OR4A15: variants seen among roughly 807,000 people sequenced by gnomAD.
The protein encoded by OR4A15 is olfactory receptor 4A15.
For missense variants in OR4A15, 657 were observed against 374.7 expected (o/e 1.75, Z -6.22); for synonymous variants, 240 against 135.6 (o/e 1.77, Z -5.35).
chr11:55,368,275 T>C (rs905398136), exon 1 of OR4A15: 2 of 1,613,944 alleles, frequency 1.2e-6, no homozygotes, highest in Admixed American at 3.3e-5. Context: ...CAACTTTTTA[T>C]GGATCATTTA....
rs770427958 is a variant in OR4A15 at position 55,368,153 on chromosome 11, T to A, written c.180T>A (p.Phe60Leu). 62 of 1,612,884 alleles carry A rather than the reference T, an allele frequency of 3.8e-5. No individual in the cohort carries two copies. The highest frequency in any genetic ancestry group is 5.0e-5 in the Non-Finnish European group (59 of 1,179,894). ...CCCTGGGTTCCCCCATGTACTTTTT[T>A]CTGGCTTCTTTATCATTCATAGATA... The change falls in exon 1 of 1, where the codon TTT (phenylalanine) becomes TTA (leucine). Residue 60 changes from phenylalanine (F) to leucine (L), a missense_variant. Phe to Leu is a conservative substitution (Grantham distance 22). Coordinates refer to ENST00000641526, the Ensembl canonical transcript of OR4A15.
In OR4A15 at chr11:55,367,990, A is replaced by T. The variant is rs746124365; in HGVS notation, c.17A>T (p.Asn6Ile). The T allele has an allele frequency of 3.1e-6, 5 of 1,613,316 alleles. No homozygotes were observed. The highest frequency in any genetic ancestry group is 4.2e-6 in the Non-Finnish European group (5 of 1,179,756). ...GAAGAACACATGAAAAATAAGAACA[A>T]TGTGACTGAATTTATCCTCTTAGGG... Residue 6 changes from asparagine to isoleucine, a missense_variant, in exon 1 of 1, where the codon AAT becomes ATT. Coordinates refer to ENST00000641526, the Ensembl canonical transcript of OR4A15.
exon 1 of OR4A15, chr11:55,368,085 A>T: frequency 6.2e-7 from 1 of 1,613,278 alleles, no homozygotes; most frequent in African/African-American, 1.3e-5. Flanking sequence ...GGTGACGATA[A>T]TGGGCAACCT....
Position 55,368,903 on chromosome 11 carries a change from G to A in OR4A15, c.930G>A (p.Trp310Ter), listed in dbSNP as rs750855184. ...AAAAAGTAAGCTTAGCTGGGAAATGGCTGTATCACTCATGAGAATGTGACA... is the reference window on the plus strand; with the variant it reads ...AAAAAGTAAGCTTAGCTGGGAAATGACTGTATCACTCATGAGAATGTGACA... The change falls in exon 1 of 1, where the codon TGG (tryptophan) becomes TGA (stop). Residue 310 changes from tryptophan to a stop codon, truncating the protein, a stop_gained. Transcript: ENST00000641526. LOFTEE classifies it low-confidence loss of function (END_TRUNC). The A allele has an allele frequency of 1.9e-6, 3 of 1,598,420 alleles. No homozygotes were observed. The highest frequency in any genetic ancestry group is 2.6e-6 in the Non-Finnish European group (3 of 1,171,834).
exon 1 of OR4A15, chr11:55,368,555 G>A (rs2119937192): frequency 6.2e-7 from 1 of 1,613,458 alleles, no homozygotes; most frequent in Non-Finnish European, 8.5e-7. Context: ...ATGTCACTGG[G>A]CTTTCTATGA....
chr11:55,368,127 T>A (rs1045429307), exon 1 of OR4A15: 1 of 1,612,670 alleles, frequency 6.2e-7, no homozygotes, highest in African/African-American at 1.3e-5. Context: ...GGCCAGCCAG[T>A]CCCTGGGTTC....
At chr11:55,368,818 C>T (rs371095350) in exon 1 of OR4A15, 3 of 1,613,160 alleles carry the variant, frequency 1.9e-6, no homozygotes, top group African/African-American at 2.7e-5. Context: ...ATGCTGAACC[C>T]ACTAATCTAT....
rs757645722 is a variant in OR4A15, at chr11:55,368,898, A to C, written c.925A>C (p.Lys309Gln). 3.1e-6 allele frequency: 5 copies of C among 1,603,988 alleles called. No homozygotes were observed. The South Asian group carries it at 4.5e-5, about 14-fold the overall frequency. The stretch of plus-strand genomic sequence containing the variant: ...GAGTAAAAAAGTAAGCTTAGCTGGG[A>C]AATGGCTGTATCACTCATGAGAATG... Residue 309 changes from lysine (K) to glutamine (Q), a missense_variant, in exon 1 of 1, where the codon AAA becomes CAA. Coordinates refer to ENST00000641526, the Ensembl canonical transcript of OR4A15.
chr11:55,368,728 G>A, exon 1 of OR4A15: 1 of 1,613,654 alleles, frequency 6.2e-7, no homozygotes, highest in Non-Finnish European at 8.5e-7. Context: ...TTTGTCCCCT[G>A]TATCTTCTTG....
exon 1 of OR4A15, chr11:55,368,346 T>A: frequency 1.2e-6 from 2 of 1,612,982 alleles, no homozygotes; most frequent in East Asian, 2.2e-5. Context: ...CATGGCCATC[T>A]GTAAGCCTCT....
At chr11:55,368,051 T>C in exon 1 of OR4A15, 1 of 1,613,612 alleles carries the variant, frequency 6.2e-7, no homozygotes, top group African/African-American at 1.3e-5. Context: ...AGGTTTTATT[T>C]GTCACATTCT....
chr11:55,368,740 A>G (rs1161376474), exon 1 of OR4A15: 3 of 1,613,726 alleles, frequency 1.9e-6, no homozygotes, highest in East Asian at 2.2e-5. Flanking sequence ...ATCTTCTTGT[A>G]TGCAAGGCCC....
At position 55,368,849 on chromosome 11, in the gene OR4A15, GA is replaced by G; in HGVS notation, c.880del (p.Ser294ValfsTer3). ...TCTATACCCTGAAGAATGCAGAAAT[GA>G]AAAGTGCCATGAGGAAACTTTGGAG... is the stretch of plus-strand genomic sequence containing the variant. On this transcript the variant is annotated frameshift_variant, in exon 1 of 1. Coordinates refer to ENST00000641526, the Ensembl canonical transcript of OR4A15. LOFTEE classifies it low-confidence loss of function (END_TRUNC). The G allele has an allele frequency of 6.2e-7, 1 of 1,612,920 alleles. No individual in the cohort carries two copies. The highest frequency in any genetic ancestry group is 8.5e-7 in the Non-Finnish European group (1 of 1,179,510).
Position 55,368,355 on chromosome 11 carries a change from C to T in OR4A15, c.382C>T (p.Leu128Phe), listed in dbSNP as rs151248769. The T allele has an allele frequency of 2.5e-6, 4 of 1,612,988 alleles. No individual in the cohort carries two copies. In the East Asian group the frequency reaches 6.7e-5, roughly 27 times the overall value. Reference sequence around the variant, plus strand: ...TCGATACATGGCCATCTGTAAGCCTCTTCATGAATTGATCACCATGAATCG... The same window carrying T: ...TCGATACATGGCCATCTGTAAGCCTTTTCATGAATTGATCACCATGAATCG... Residue 128 changes from leucine to phenylalanine, a missense_variant, in exon 1 of 1, where the codon CTT becomes TTT. By Grantham distance (22) the Leu-to-Phe change is conservative. Transcript: ENST00000641526.
At position 55,368,065 on chromosome 11, in the gene OR4A15, TA is replaced by T. The variant is rs1565112634; in HGVS notation, c.94del (p.Ile32SerfsTer4). The T allele has an allele frequency of 3.7e-6, 6 of 1,613,578 alleles. No individual in the cohort carries two copies. The Admixed American group carries it at 8.3e-5, about 22-fold the overall frequency. ...AAGGTTTTATTTGTCACATTCTTAC[TA>T]ATCTACATGGTGACGATAATGGGCA... is the stretch of plus-strand genomic sequence containing the variant. On this transcript the variant is annotated frameshift_variant, in exon 1 of 1. Transcript: ENST00000641526. LOFTEE classifies it low-confidence loss of function (END_TRUNC).
At chr11:55,368,437 T>G in exon 1 of OR4A15, 1 of 1,612,062 alleles carries the variant, frequency 6.2e-7, no homozygotes, top group Non-Finnish European at 8.5e-7. Flanking sequence ...CTTCACTCAT[T>G]GGTTCAATTT....
At chr11:55,368,345 C>T in exon 1 of OR4A15, 6 of 1,612,228 alleles carry the variant, frequency 3.7e-6, no homozygotes, top group Non-Finnish European at 4.2e-6. Context: ...ACATGGCCAT[C>T]TGTAAGCCTC....
exon 1 of OR4A15, chr11:55,368,137 C>T: frequency 4.3e-6 from 7 of 1,612,696 alleles, no homozygotes; most frequent in Non-Finnish European, 5.9e-6. Flanking sequence ...TCCCTGGGTT[C>T]CCCCATGTAC....
chr11:55,368,022 CA>C lies in OR4A15; in HGVS notation c.50del (p.Gln17ArgfsTer15), dbSNP rs761982005. 1.9e-6 allele frequency: 3 copies of C among 1,613,334 alleles called. No individual in the cohort carries two copies. The highest frequency in any genetic ancestry group is 2.5e-6 in the Non-Finnish European group (3 of 1,179,798). ...TGAATTTATCCTCTTAGGGCTCACA[CA>C]GAACCCTGAGGGGCAAAAGGTTTTA... On this transcript the variant is annotated frameshift_variant, in exon 1 of 1. Coordinates refer to ENST00000641526, the Ensembl canonical transcript of OR4A15. LOFTEE classifies it low-confidence loss of function (END_TRUNC).
Sources: gnomAD v4.1 joint callset for allele counts on GRCh38, gnomAD v4.1.1 for gene constraint, MANE v1.5 for transcripts, NCBI Gene and HGNC (gene_info 2026-07-23, HGNC 2026-07-21) for gene names.